Variants in RASAL2 observed in about 807,000 individuals in gnomAD.
RASAL2 encodes RAS protein activator like 2.
In RASAL2, 58 loss-of-function variants were observed where a neutral mutation model predicts 128.9. The observed-to-expected ratio is 0.45, with a 90% confidence interval of 0.36 to 0.56. The LOEUF is 0.56. RASAL2 is among the 20% of genes least tolerant of loss of function. The probability of loss-of-function intolerance (pLI) is 0.00; values close to 1 mark genes in which losing one functional copy is unlikely to be tolerated. For missense variants in RASAL2, 1,360 were observed against 1,601.6 expected, an observed-to-expected ratio of 0.85 and a Z score of 2.57; for synonymous variants, 561 against 580.8, an observed-to-expected ratio of 0.97 and a Z score of 0.49.
chr1:178,242,582 G>T (rs1290271363), intron 1 of RASAL2, among the ~76,000 whole-genome samples: 1 of 151,770 alleles, frequency 6.6e-6, no homozygotes, highest in Non-Finnish European at 1.5e-5. Context: ...ATAAGTGTGA[G>T]CCACCAATGC....
chr1:178,242,831 A>T (rs933929335), intron 1 of RASAL2, among the ~76,000 whole-genome samples: 6 of 152,100 alleles, frequency 3.9e-5, no homozygotes, highest in African/African-American at 2.4e-5. Flanking sequence ...GGCTCAAGCG[A>T]TCCTCACACC....
chr1:178,463,616 C>T (rs983052655), intron 14 of RASAL2, among the ~76,000 whole-genome samples: 6 of 152,104 alleles, frequency 3.9e-5, no homozygotes, highest in African/African-American at 1.2e-4. Context: ...GATCTTAATC[C>T]ATCATGAAGT....
chr1:178,243,466 G>A (rs890949652), intron 1 of RASAL2, among the ~76,000 whole-genome samples: 46 of 152,126 alleles, frequency 3.0e-4, no homozygotes, highest in African/African-American at 1.1e-3. Flanking sequence ...TATCCACCTG[G>A]CTACCTGAAT....
chr1:178,207,164 A>T (rs1663079093), intron 1 of RASAL2, among the ~76,000 whole-genome samples: 1 of 151,998 alleles, frequency 6.6e-6, no homozygotes, highest in East Asian at 1.9e-4. Context: ...AAAAAAAAAA[A>T]AAAAGTAATG....
chr1:178,343,236 G>A (rs780570423), intron 3 of RASAL2, among the ~76,000 whole-genome samples: 16 of 152,186 alleles, frequency 1.1e-4, no homozygotes, highest in Non-Finnish European at 2.1e-4. Context: ...TGTGGAATGG[G>A]CAGCAAGTTA....
At chr1:178,299,015 G>A (rs141533745) in intron 2 of RASAL2, among the ~76,000 whole-genome samples, 1 of 151,768 alleles carries the variant, frequency 6.6e-6, no homozygotes, top group East Asian at 1.9e-4. Flanking sequence ...ATTAGTATTA[G>A]AGATTTTTTT....
intron 1 of RASAL2, among the ~76,000 whole-genome samples, chr1:178,241,953 T>G (rs550948521): frequency 1.8e-4 from 28 of 152,344 alleles, no homozygotes; most frequent in African/African-American, 6.7e-4. Context: ...TTCAATTTTT[T>G]GCTCATGCAG....
At chr1:178,341,241 C>T (rs553017004) in intron 3 of RASAL2, among the ~76,000 whole-genome samples, 12 of 152,172 alleles carry the variant, frequency 7.9e-5, no homozygotes, top group Non-Finnish European at 1.6e-4. Context: ...CCCTCCCATC[C>T]TTTGTGATAG....
intron 2 of RASAL2, among the ~76,000 whole-genome samples, chr1:178,298,102 C>G (rs1295125596): frequency 6.6e-6 from 1 of 152,066 alleles, no homozygotes; most frequent in African/African-American, 2.4e-5. Flanking sequence ...TACTGTCATT[C>G]TTCCCACTTT....
intron 5 of RASAL2, among the ~76,000 whole-genome samples, chr1:178,436,786 C>G (rs1173917678): frequency 6.6e-6 from 1 of 151,944 alleles, no homozygotes; most frequent in Non-Finnish European, 1.5e-5. Context: ...CCATGTTGCC[C>G]AGACTGGTCT....
At chr1:178,397,398 A>G (rs1673306769) in intron 4 of RASAL2, among the ~76,000 whole-genome samples, 1 of 152,232 alleles carries the variant, frequency 6.6e-6, no homozygotes, top group African/African-American at 2.4e-5. Flanking sequence ...GTATGATTCC[A>G]TTTATATGAG....
At chr1:178,208,840 C>T (rs894623451) in intron 1 of RASAL2, among the ~76,000 whole-genome samples, 1 of 152,116 alleles carries the variant, frequency 6.6e-6, no homozygotes, top group African/African-American at 2.4e-5. Context: ...TGTGATGTCA[C>T]CCCTGGCGGC....
intron 1 of RASAL2, among the ~76,000 whole-genome samples, chr1:178,276,184 G>T (rs1348130053): frequency 6.6e-6 from 1 of 152,150 alleles, no homozygotes; most frequent in African/African-American, 2.4e-5. Flanking sequence ...TTGTGTGTCA[G>T]GACAAAGCAA....
chr1:178,124,497 T>C (rs1441224925), intron 1 of RASAL2, among the ~76,000 whole-genome samples: 1 of 152,204 alleles, frequency 6.6e-6, no homozygotes, highest in Non-Finnish European at 1.5e-5. Context: ...AAAATATAAT[T>C]TAGTTTGCAG....
In RASAL2 at chr1:178,437,411, G is replaced by A. The variant is rs540834833; in HGVS notation, c.675-2011G>A. The stretch of plus-strand genomic sequence containing the variant: ...AAAGTGACTTGCTATACCGGGACAT[G>A]TGGCACCGCTATGATTTGGGGTTGC... On this transcript the variant is annotated intron_variant, in intron 5 of 17. Coordinates refer to ENST00000367649, the MANE Select transcript of RASAL2 (RefSeq NM_170692.4). 4.6e-5 allele frequency among the ~76,000 whole-genome samples: 7 copies of A among 152,210 alleles called. No individual in the cohort carries two copies. In the South Asian group the frequency reaches 1.5e-3, roughly 32 times the overall value.
At chr1:178,132,382 C>T (rs1660152796) in intron 1 of RASAL2, among the ~76,000 whole-genome samples, 1 of 151,902 alleles carries the variant, frequency 6.6e-6, no homozygotes, top group Admixed American at 6.6e-5. Flanking sequence ...AAATAATTTA[C>T]TACTGTCAGT....
rs555558188 is a variant in RASAL2 at position 178,468,530 on chromosome 1, G to A, written c.3678+1109G>A. On this transcript the variant is annotated intron_variant, in intron 17 of 17. Coordinates refer to ENST00000367649, the MANE Select transcript of RASAL2 (RefSeq NM_170692.4). ...TGAGAGTGAGGCTGAAAGCACGGTCGTGGAAAGAATGCTTCATGGGCCTCA... is the reference window on the plus strand; with the variant it reads ...TGAGAGTGAGGCTGAAAGCACGGTCATGGAAAGAATGCTTCATGGGCCTCA... Among the ~76,000 whole-genome samples, 8 of 152,280 alleles carry A rather than the reference G, an allele frequency of 5.3e-5. No individual in the cohort carries two copies. The South Asian group carries it at 6.2e-4, about 12-fold the overall frequency.
At chr1:178,201,340 A>G (rs916887140) in intron 1 of RASAL2, among the ~76,000 whole-genome samples, 1 of 152,186 alleles carries the variant, frequency 6.6e-6, no homozygotes, top group African/African-American at 2.4e-5. Context: ...GGAAATGCCT[A>G]ATCTCCCTTG....
At chr1:178,448,344 T>C (rs1156434861) in intron 9 of RASAL2, among the ~76,000 whole-genome samples, 1 of 152,196 alleles carries the variant, frequency 6.6e-6, no homozygotes, top group East Asian at 1.9e-4. Context: ...TGGCTCACAC[T>C]GGTTTCAGGA....
Sources: gnomAD v4.1 joint callset for allele counts (sites outside exome capture counted in the v4.1 genomes callset) on GRCh38, gnomAD v4.1.1 for gene constraint, MANE v1.5 for transcripts, NCBI Gene and HGNC (gene_info 2026-07-23, HGNC 2026-07-21) for gene names.